PIWIL3: variants seen among roughly 807,000 people sequenced by gnomAD.
PIWIL3 encodes the protein piwi-like protein 3.
A neutral mutation model predicts 109.7 loss-of-function variants in PIWIL3; 101 were observed. That is an observed-to-expected ratio of 0.92 (90% CI 0.78 to 1.09). The LOEUF is 1.09. Among genes scored for constraint, PIWIL3 ranks in the 50% least tolerant of loss-of-function variants. The pLI is 0.00. For missense variants in PIWIL3, 1,031 were observed against 1,072.6 expected (o/e 0.96, Z 0.54); for synonymous variants, 373 against 376.4 (o/e 0.99, Z 0.10).
At chr22:24,751,304 T>C in intron 9 of PIWIL3, 83 bp downstream of exon 9, 1 of 1,337,628 alleles carries the variant, frequency 7.5e-7, no homozygotes, top group Non-Finnish European at 1.0e-6. Context: ...ATATGACAAA[T>C]ATGTTCAAGT....
At chr22:24,722,357 C>T (rs951459889) in intron 19 of PIWIL3, among the ~76,000 whole-genome samples, 2 of 150,632 alleles carry the variant, frequency 1.3e-5, no homozygotes, top group Non-Finnish European at 1.5e-5. Flanking sequence ...GCTGGGATTA[C>T]AGGTGTGAGC....
chr22:24,719,998 T>A (rs1201413643), intron 19 of PIWIL3, 103 bp from the exon 20 acceptor site: 1 of 990,326 alleles, frequency 1.0e-6, no homozygotes, highest in Non-Finnish European at 1.4e-6. Flanking sequence ...CTTACAAAAA[T>A]CTATTCTATA....
chr22:24,757,920 CTT>C lies in PIWIL3; in HGVS notation c.341_342del (p.Lys114ArgfsTer30). The part of the protein sequence containing the change: ...VNTRQDMKHV[K>X]DSKTGSEGTV... Reference sequence around the variant, plus strand: ...TAGACCAACATACCTGTTTTTGAGTCTTTAACATGCTTCATATCTTGCCTGGT... The same window carrying C: ...TAGACCAACATACCTGTTTTTGAGTCTAACATGCTTCATATCTTGCCTGGT... On this transcript the variant is annotated frameshift_variant, in exon 4 of 21. Transcript: ENST00000616349. LOFTEE classifies it high-confidence loss of function. 6.2e-7 allele frequency: 1 copy of C among 1,608,870 alleles called. No individual in the cohort carries two copies. Among genetic ancestry groups the C allele is most frequent in the African/African-American group, 1.3e-5 (1 of 74,442 alleles).
intron 9 of PIWIL3, among the ~76,000 whole-genome samples, chr22:24,750,168 G>C (rs560968705): frequency 1.3e-5 from 2 of 151,794 alleles, no homozygotes; most frequent in Non-Finnish European, 2.9e-5. Flanking sequence ...ACTGAAAACC[G>C]TCAAGAGGAC....
chr22:24,725,475 G>A lies in PIWIL3; in HGVS notation c.2050C>T (p.Leu684Phe). Reference protein sequence around the residue: ...QCVIQKTGEELVKELEICLKA... With the variant: ...QCVIQKTGEEFVKELEICLKA... ...AAGCAGATCTCCAGCTCTTTCACAA[G>A]CTCTTCTCCTGTTTTCTGGATGACA... Residue 684 changes from leucine to phenylalanine, a missense_variant, in exon 17 of 21, where the codon CTT becomes TTT. Leu to Phe is a conservative substitution (Grantham distance 22). Coordinates refer to ENST00000616349, the MANE Select transcript of PIWIL3 (RefSeq NM_001255975.1). The A allele has an allele frequency of 6.2e-7, 1 of 1,614,016 alleles. No individual in the cohort carries two copies. Among genetic ancestry groups the A allele is most frequent in the African/African-American group, 1.3e-5 (1 of 75,068 alleles).
At chr22:24,739,859 G>C (rs1289654989) in intron 12 of PIWIL3, among the ~76,000 whole-genome samples, 1 of 151,986 alleles carries the variant, frequency 6.6e-6, no homozygotes, top group Non-Finnish European at 1.5e-5. Context: ...GACCATCCTG[G>C]CTAACACAGT....
rs757001653 is a variant in PIWIL3 at position 24,734,107 on chromosome 22, A to G, written c.1684T>C (p.Tyr562His). Residue 562 changes from tyrosine to histidine, a missense_variant, in exon 14 of 21, where the codon TAT becomes CAT. Transcript: ENST00000616349. ...ACCATCTGCAGTGTTGGTCTAGTATATTTCCGTAATGTGTCTATATAGGAG... is the reference window on the plus strand; with the variant it reads ...ACCATCTGCAGTGTTGGTCTAGTATGTTTCCGTAATGTGTCTATATAGGAG... ...ANSYIDTLRK[Y>H]TRPTLQMVIC... 6.2e-7 allele frequency: 1 copy of G among 1,612,684 alleles called. No homozygotes were observed. The highest frequency in any genetic ancestry group is 1.1e-5 in the South Asian group (1 of 90,490).
At chr22:24,749,876 C>T in intron 9 of PIWIL3, 57 bp from the exon 10 acceptor site, 1 of 1,613,016 alleles carries the variant, frequency 6.2e-7, no homozygotes, top group South Asian at 1.1e-5. Flanking sequence ...AAACATCACA[C>T]ACAGAGGTTC....
At chr22:24,730,703 TA>T (rs553550876) in intron 14 of PIWIL3, among the ~76,000 whole-genome samples, 7 of 151,906 alleles carry the variant, frequency 4.6e-5, no homozygotes, top group Non-Finnish European at 8.8e-5. Context: ...TCCAAATATC[TA>T]AAAAAAATGA....
chr22:24,747,847 T>C (rs1409754289), intron 12 of PIWIL3, among the ~76,000 whole-genome samples: 3 of 152,194 alleles, frequency 2.0e-5, no homozygotes, highest in Admixed American at 6.5e-5. Flanking sequence ...TGTCAATTAC[T>C]ATAACCACTA....
chr22:24,743,358 G>A (rs565444603), intron 12 of PIWIL3, among the ~76,000 whole-genome samples: 1 of 152,270 alleles, frequency 6.6e-6, no homozygotes, highest in East Asian at 1.9e-4. Flanking sequence ...CTGCCCAGAG[G>A]AAAAGTCATT....
chr22:24,768,923 T>A (rs190442275), intron 1 of PIWIL3, among the ~76,000 whole-genome samples: 1 of 152,326 alleles, frequency 6.6e-6, no homozygotes, highest in Non-Finnish European at 1.5e-5. Flanking sequence ...AGGTTTCCTC[T>A]TCACCATCTG....
chr22:24,757,892 T>C lies in PIWIL3; in HGVS notation c.355+16A>G, dbSNP rs368303891. On this transcript the variant is annotated intron_variant, in intron 4 of 20. Coordinates refer to ENST00000616349, the MANE Select transcript of PIWIL3 (RefSeq NM_001255975.1). ...AACGAACAGCTCCATAAACATTGAG[T>C]TCTAGACCAACATACCTGTTTTTGA... The C allele has an allele frequency of 1.3e-6, 2 of 1,588,088 alleles. No individual in the cohort carries two copies. The highest frequency in any genetic ancestry group is 1.4e-5 in the African/African-American group (1 of 72,648).
intron 1 of PIWIL3, among the ~76,000 whole-genome samples, chr22:24,774,060 A>G (rs1466213241): frequency 6.6e-6 from 1 of 152,182 alleles, no homozygotes; most frequent in African/African-American, 2.4e-5. Flanking sequence ...CACATGCTCA[A>G]ATATAAGCTG....
At chr22:24,757,794 C>A in intron 4 of PIWIL3, 114 bp downstream of exon 4, 5 of 1,240,448 alleles carry the variant, frequency 4.0e-6, no homozygotes, top group Non-Finnish European at 4.4e-6. Context: ...CTAAAGTGAG[C>A]ATCACTGTAC....
chr22:24,736,110 A>T (rs763354696), intron 12 of PIWIL3, among the ~76,000 whole-genome samples: 4 of 152,176 alleles, frequency 2.6e-5, no homozygotes, highest in Non-Finnish European at 4.4e-5. Flanking sequence ...ATTGCAGGGG[A>T]GATGGCTCCA....
chr22:24,720,259 G>GTTTTTTTTTTTTT (rs56087060), intron 19 of PIWIL3, among the ~76,000 whole-genome samples: 1 of 105,492 alleles, frequency 9.5e-6, no homozygotes, highest in African/African-American at 3.5e-5. Flanking sequence ...TATTTAAACT[G>GTTTTTTTTTTTTT]TTTTTTTTTT....
chr22:24,753,965 G>A, intron 8 of PIWIL3, 49 bp downstream of exon 8: 10 of 1,474,048 alleles, frequency 6.8e-6, no homozygotes, highest in Non-Finnish European at 9.5e-6. Context: ...TTGGGGTGGG[G>A]GAAGGGGGAG....
chr22:24,740,858 C>G (rs1471329650), intron 12 of PIWIL3, among the ~76,000 whole-genome samples: 1 of 152,168 alleles, frequency 6.6e-6, no homozygotes, highest in Admixed American at 6.5e-5. Context: ...GCCAATCCTA[C>G]TGAAACTATT....
Sources: gnomAD v4.1 joint callset for allele counts (sites outside exome capture counted in the v4.1 genomes callset) on GRCh38, gnomAD v4.1.1 for gene constraint, MANE v1.5 for transcripts, NCBI Gene and HGNC (gene_info 2026-07-23, HGNC 2026-07-21) for gene names.